The following CENPE variants were observed in gnomAD, a reference collection of about 807,000 sequenced individuals.
The protein encoded by CENPE is centromere-associated protein E.
Under a neutral mutation model 336.1 loss-of-function variants are expected in CENPE, and 145 were observed. That is an observed-to-expected ratio of 0.43 (90% confidence interval 0.38 to 0.50). The LOEUF is 0.50. Among genes scored for constraint, CENPE ranks in the 20% least tolerant of loss-of-function variants. CENPE has a pLI of 0.00. For synonymous variants in CENPE, 1,013 were observed against 984.8 expected (o/e 1.03, Z -0.54); for missense variants, 2,719 against 3,023.3 (o/e 0.90, Z 2.36).
rs771107306 is a variant in CENPE, at chr4:103,148,893, A to G, written c.3794T>C (p.Ile1265Thr). 2 of 1,613,702 alleles carry G rather than the reference A, an allele frequency of 1.2e-6. No individual in the cohort carries two copies. Among genetic ancestry groups the G allele is most frequent in the South Asian group, 1.1e-5 (1 of 91,060 alleles). Reference protein sequence around the residue: ...RRSVSEKTAQIINTQDLEKSH... With the variant: ...RRSVSEKTAQTINTQDLEKSH... ...TTTTTCTAAGTCCTGAGTATTTATT[A>G]TTTGAGCTGTCTTCTCAGATACGCT... is the stretch of plus-strand genomic sequence containing the variant. The change falls in exon 28 of 49, where the codon ATA becomes ACA. Residue 1265 changes from isoleucine (I) to threonine (T), a missense_variant. Physicochemically the swap from Ile to Thr is moderately conservative, Grantham distance 89. Coordinates refer to ENST00000265148, the MANE Select transcript of CENPE (RefSeq NM_001813.3).
chr4:103,173,592 A>AG (rs1444353400), intron 16 of CENPE, among the ~76,000 whole-genome samples: 1 of 151,984 alleles, frequency 6.6e-6, no homozygotes, highest in African/African-American at 2.4e-5. Context: ...AAATATTTGC[A>AG]AAATATTTGC....
At chr4:103,127,875 G>C (rs1248025631) in intron 42 of CENPE, among the ~76,000 whole-genome samples, 1 of 151,836 alleles carries the variant, frequency 6.6e-6, no homozygotes, top group Non-Finnish European at 1.5e-5. Context: ...CAAAGAATAA[G>C]GGCAAAAAAT....
At chr4:103,112,423 TTATA>T (rs1439042809) in intron 46 of CENPE, among the ~76,000 whole-genome samples, 8 of 98,194 alleles carry the variant, frequency 8.1e-5, no homozygotes, top group Admixed American at 4.5e-4. Flanking sequence ...ATGTATATAC[TTATA>T]TACTTATACA....
At chr4:103,171,228 C>T (rs559095689) in intron 16 of CENPE, among the ~76,000 whole-genome samples, 50 of 152,226 alleles carry the variant, frequency 3.3e-4, no homozygotes, top group Non-Finnish European at 6.6e-4. Flanking sequence ...AAAACACATT[C>T]TTATCAACTG....
At chr4:103,128,357 TC>T (rs1470401187) in intron 42 of CENPE, among the ~76,000 whole-genome samples, 1 of 152,176 alleles carries the variant, frequency 6.6e-6, no homozygotes, top group Admixed American at 6.5e-5. Flanking sequence ...AGTGAACAGA[TC>T]CACCAGGCAG....
intron 42 of CENPE, among the ~76,000 whole-genome samples, chr4:103,132,423 G>C (rs1293294175): frequency 6.6e-6 from 1 of 152,114 alleles, no homozygotes; most frequent in East Asian, 1.9e-4. Context: ...CAGAAGCAGT[G>C]AGAAGGAGAA....
At position 103,108,891 on chromosome 4, in the gene CENPE, T is replaced by C. The variant is rs758153146; in HGVS notation, c.7923A>G (p.Lys2641=). 2 of 1,613,844 alleles carry C rather than the reference T, an allele frequency of 1.2e-6. No individual in the cohort carries two copies. The highest frequency in any genetic ancestry group is 1.7e-6 in the Non-Finnish European group (2 of 1,179,804). Reference sequence around the variant, plus strand: ...TTGATCGGCTATCAAAAAAACAAGATTTTGGTGATTCCTTTGGCACAGGAT... The same window carrying C: ...TTGATCGGCTATCAAAAAAACAAGACTTTGGTGATTCCTTTGGCACAGGAT... The part of the protein sequence containing the change: ...LQDPVPKESP[K]SCFFDSRSKS... The change falls in exon 48 of 49, where the codon AAA becomes AAG. Residue 2641 remains lysine, a synonymous_variant. Coordinates refer to ENST00000265148, the MANE Select transcript of CENPE (RefSeq NM_001813.3).
At chr4:103,136,526 G>A (rs993313691) in intron 39 of CENPE, among the ~76,000 whole-genome samples, 167 bp from the exon 40 acceptor site, 2 of 152,036 alleles carry the variant, frequency 1.3e-5, no homozygotes, top group Non-Finnish European at 2.9e-5. Flanking sequence ...TGTCATTTTG[G>A]ATAACAGAAA....
At chr4:103,142,199 T>A (rs766859315) in intron 34 of CENPE, among the ~76,000 whole-genome samples, 5 of 152,208 alleles carry the variant, frequency 3.3e-5, no homozygotes, top group Non-Finnish European at 7.3e-5. Flanking sequence ...TTGTTTCAGA[T>A]TTTTAATTAA....
chr4:103,188,236 C>T (rs1191509318), intron 8 of CENPE, among the ~76,000 whole-genome samples: 7 of 152,230 alleles, frequency 4.6e-5, no homozygotes, highest in East Asian at 3.9e-4. Context: ...GACAGATCAA[C>T]GAGACAGAAA....
At chr4:103,195,411 T>C (rs933676840) in intron 4 of CENPE, among the ~76,000 whole-genome samples, 178 bp from the exon 5 acceptor site, 20 of 152,012 alleles carry the variant, frequency 1.3e-4, no homozygotes, top group African/African-American at 4.1e-4. Flanking sequence ...ACAGAAATAA[T>C]GAAAAGTGAA....
intron 9 of CENPE, among the ~76,000 whole-genome samples, chr4:103,184,280 A>G (rs543414076): frequency 1.3e-5 from 2 of 152,312 alleles, no homozygotes; most frequent in South Asian, 4.1e-4. Flanking sequence ...CTGTTGAACA[A>G]ACTTCTAATC....
chr4:103,159,821 G>T (rs1754286949), intron 21 of CENPE, among the ~76,000 whole-genome samples: 1 of 151,752 alleles, frequency 6.6e-6, no homozygotes, highest in African/African-American at 2.4e-5. Flanking sequence ...TACCACTTAA[G>T]TAATATTTAA....
intron 25 of CENPE, among the ~76,000 whole-genome samples, chr4:103,152,257 T>A (rs1350841853): frequency 2.0e-5 from 3 of 152,146 alleles, no homozygotes; most frequent in African/African-American, 7.2e-5. Context: ...TACAATGGTC[T>A]AGAAGCATAA....
At position 103,133,566 on chromosome 4, in the gene CENPE, C is replaced by T. The variant is rs1578576049; in HGVS notation, c.6720+129G>A. The stretch of plus-strand genomic sequence containing the variant: ...ATTATTTGCCAGTCTTTATGTCTGG[C>T]CAGGTATCACTCTGCAACGTATTTT... On this transcript the variant is annotated intron_variant, in intron 41 of 48. Transcript: ENST00000265148. 22 of 672,798 alleles carry T rather than the reference C, an allele frequency of 3.3e-5. No individual in the cohort carries two copies. In the South Asian group the frequency reaches 4.0e-4, roughly 12 times the overall value. 41.7% of individuals were successfully genotyped at this position (672,798 alleles called of 1,614,324 possible).
chr4:103,183,086 G>A, intron 10 of CENPE, 115 bp downstream of exon 10: 2 of 914,430 alleles, frequency 2.2e-6, no homozygotes, highest in Non-Finnish European at 1.6e-6. Context: ...ATATGTATAA[G>A]TTTTTGAATA....
chr4:103,107,472 A>G (rs892912470), intron 48 of CENPE, among the ~76,000 whole-genome samples: 1 of 152,162 alleles, frequency 6.6e-6, no homozygotes, highest in South Asian at 2.1e-4. Flanking sequence ...CTTACTGTAC[A>G]ATTTTGTTGC....
At chr4:103,179,696 C>T (rs1205639313) in intron 13 of CENPE, among the ~76,000 whole-genome samples, 3 of 152,166 alleles carry the variant, frequency 2.0e-5, no homozygotes, top group African/African-American at 7.2e-5. Context: ...GCTACTTCCA[C>T]AGGAAAAAGC....
chr4:103,112,018 AC>A (rs1578529740), intron 46 of CENPE, among the ~76,000 whole-genome samples: 1 of 151,790 alleles, frequency 6.6e-6, no homozygotes, highest in East Asian at 1.9e-4. Flanking sequence ...ATGTATATAC[AC>A]TTTTTTAAAA....
Sources: gnomAD v4.1 joint callset for allele counts (sites outside exome capture counted in the v4.1 genomes callset) on GRCh38, gnomAD v4.1.1 for gene constraint, MANE v1.5 for transcripts, NCBI Gene and HGNC (gene_info 2026-07-23, HGNC 2026-07-21) for gene names.